The following KIF16B variants were observed in gnomAD, a reference collection of about 807,000 sequenced individuals.
KIF16B encodes kinesin-like protein KIF16B.
A neutral mutation model predicts 156.3 loss-of-function variants in KIF16B; 98 were observed. The ratio of observed to expected loss-of-function variants is 0.63; its 90% CI spans 0.53 to 0.74. The LOEUF is 0.74. KIF16B is among the 30% of genes least tolerant of loss of function. The pLI is 0.00. For synonymous variants in KIF16B, 564 were observed against 583.7 expected (o/e 0.97, Z 0.49); for missense variants, 1,421 against 1,606.5 (o/e 0.88, Z 1.97).
intron 17 of KIF16B, among the ~76,000 whole-genome samples, chr20:16,386,111 G>C (rs1023466018): frequency 3.3e-5 from 5 of 152,126 alleles, no homozygotes; most frequent in African/African-American, 1.2e-4. Context: ...GCCTTCACTG[G>C]CATGTTGACA....
At chr20:16,557,354 A>G (rs2070890983) in intron 1 of KIF16B, among the ~76,000 whole-genome samples, 1 of 151,804 alleles carries the variant, frequency 6.6e-6, no homozygotes, top group South Asian at 2.1e-4. Flanking sequence ...TAATTTTTGT[A>G]ATTTTAGTAG....
chr20:16,505,715 C>T lies in KIF16B; in HGVS notation c.1000+7G>A, dbSNP rs766611220. On this transcript the variant is annotated splice_region_variant and intron_variant, in intron 9 of 25. Coordinates refer to ENST00000354981, the MANE Select transcript of KIF16B (RefSeq NM_024704.5). ...GTATGCTCAGAAAAGTAACTTAAAA[C>T]TCTTACTGGCAATCATGATAGTTTT... is the stretch of plus-strand genomic sequence containing the variant. 7 of 1,610,676 alleles carry T rather than the reference C, an allele frequency of 4.3e-6. No homozygotes were observed. The East Asian group carries it at 1.6e-4, about 36-fold the overall frequency.
At chr20:16,562,478 C>T (rs371512347) in intron 1 of KIF16B, among the ~76,000 whole-genome samples, 93 of 152,266 alleles carry the variant, frequency 6.1e-4, no homozygotes, top group African/African-American at 2.0e-3. Context: ...TTCCTCCTCA[C>T]GGAGAACAAT....
chr20:16,272,514 T>C lies in KIF16B; in HGVS notation c.*739A>G, dbSNP rs1470503851. 1.3e-5 allele frequency: 2 copies of C among 152,644 alleles called. No homozygotes were observed. The highest frequency in any genetic ancestry group is 6.5e-5 in the Admixed American group (1 of 15,280). The allele number at this position is 152,644 out of a possible 1,614,324, so 9.5% of individuals were successfully genotyped here. ...GTGCTTAGCAGAAAAAGCTCAAGAA[T>C]GCACAGTAGCCATTTAGATTTGGGA... On this transcript the variant is annotated 3_prime_UTR_variant, in exon 26 of 26. Transcript: ENST00000354981.
intron 15 of KIF16B, among the ~76,000 whole-genome samples, chr20:16,414,028 C>G (rs2066026183): frequency 6.6e-6 from 1 of 151,776 alleles, no homozygotes; most frequent in African/African-American, 2.4e-5. Context: ...ATGATGATAC[C>G]ATTTAGGGAA....
intron 17 of KIF16B, among the ~76,000 whole-genome samples, chr20:16,399,372 T>C (rs1319736769): frequency 2.6e-5 from 4 of 152,174 alleles, no homozygotes; most frequent in Admixed American, 2.6e-4. Flanking sequence ...CCGTCCTGAT[T>C]TCTAACAGGC....
chr20:16,367,320 T>C, intron 22 of KIF16B: 1 of 1,612,942 alleles, frequency 6.2e-7, no homozygotes, highest in African/African-American at 1.3e-5. Flanking sequence ...TGGAACCCAC[T>C]GAAGGTTTGA....
At chr20:16,290,415 T>C (rs959407081) in intron 25 of KIF16B, among the ~76,000 whole-genome samples, 1 of 152,202 alleles carries the variant, frequency 6.6e-6, no homozygotes, top group Non-Finnish European at 1.5e-5. Context: ...AGGTAGTTTG[T>C]GTACTGAGGG....
chr20:16,473,689 T>C (rs900932605), intron 12 of KIF16B, among the ~76,000 whole-genome samples: 1 of 152,150 alleles, frequency 6.6e-6, no homozygotes, highest in Non-Finnish European at 1.5e-5. Flanking sequence ...TTCTCCCAAC[T>C]ATGATATGAC....
chr20:16,528,336 T>C, intron 2 of KIF16B, 35 bp downstream of exon 2: 2 of 1,532,370 alleles, frequency 1.3e-6, no homozygotes, highest in Non-Finnish European at 1.8e-6. Flanking sequence ...ATCATGGGGC[T>C]CTTGGAACTT....
At chr20:16,418,077 C>T (rs989297570) in intron 15 of KIF16B, among the ~76,000 whole-genome samples, 2 of 151,204 alleles carry the variant, frequency 1.3e-5, no homozygotes, top group Non-Finnish European at 1.5e-5. Context: ...GAAATCCATG[C>T]CAAGGCATAT....
At chr20:16,563,161 T>C (rs749453192) in intron 1 of KIF16B, among the ~76,000 whole-genome samples, 4 of 152,188 alleles carry the variant, frequency 2.6e-5, no homozygotes, top group Non-Finnish European at 5.9e-5. Context: ...CATTTGGAAA[T>C]GGACAGAGCA....
chr20:16,427,788 T>A (rs1297509340), intron 14 of KIF16B, among the ~76,000 whole-genome samples: 1 of 152,148 alleles, frequency 6.6e-6, no homozygotes, highest in Non-Finnish European at 1.5e-5. Context: ...CCTGAGCCTG[T>A]GTCAATTCTG....
At chr20:16,556,266 A>G (rs904855849) in intron 1 of KIF16B, among the ~76,000 whole-genome samples, 5 of 152,330 alleles carry the variant, frequency 3.3e-5, no homozygotes, top group East Asian at 3.9e-4. Flanking sequence ...CAGCACAACC[A>G]GGTGGTATCA....
chr20:16,305,858 C>T (rs2063533689), intron 25 of KIF16B, among the ~76,000 whole-genome samples: 1 of 152,188 alleles, frequency 6.6e-6, no homozygotes, highest in Non-Finnish European at 1.5e-5. Context: ...CTTTTTAAGG[C>T]TGAATAATAT....
intron 23 of KIF16B, among the ~76,000 whole-genome samples, chr20:16,345,934 T>C (rs1171256544): frequency 6.6e-6 from 1 of 152,246 alleles, no homozygotes; most frequent in Non-Finnish European, 1.5e-5. Context: ...AGGGACACTT[T>C]GGGAACGTTC....
At chr20:16,307,968 T>A (rs2063565756) in intron 25 of KIF16B, among the ~76,000 whole-genome samples, 1 of 152,188 alleles carries the variant, frequency 6.6e-6, no homozygotes, top group South Asian at 2.1e-4. Context: ...ATATAATACG[T>A]ACAATATTTA....
intron 24 of KIF16B, among the ~76,000 whole-genome samples, chr20:16,323,361 C>A (rs1463722655): frequency 6.6e-6 from 1 of 151,926 alleles, no homozygotes; most frequent in African/African-American, 2.4e-5. Flanking sequence ...TAAATTTAAG[C>A]CATTCTAGCT....
chr20:16,476,929 A>T (rs1440284573), intron 12 of KIF16B, among the ~76,000 whole-genome samples: 2 of 151,826 alleles, frequency 1.3e-5, no homozygotes, highest in Non-Finnish European at 2.9e-5. Context: ...ATGTATTTTT[A>T]GTAGAGATGG....
Sources: allele counts gnomAD v4.1 joint callset (sites outside exome capture counted in the v4.1 genomes callset), GRCh38; gene constraint gnomAD v4.1.1; transcripts MANE v1.5; gene names NCBI Gene and HGNC (gene_info 2026-07-23, HGNC 2026-07-21).